RBFOX1: variants seen among roughly 807,000 people sequenced by gnomAD.
The protein encoded by RBFOX1 is RNA binding fox-1 homolog 1, also known as RNA binding protein fox-1 homolog 1.
A neutral mutation model predicts 57.7 loss-of-function variants in RBFOX1; 8 were observed. The observed-to-expected ratio is 0.14, with a 90% CI of 0.08 to 0.25. The LOEUF is 0.25. Ranked by LOEUF, RBFOX1 falls within the 10% of genes least tolerant of loss-of-function variation. The pLI is 1.00. For synonymous variants in RBFOX1, 326 were observed against 222.4 expected (o/e 1.47, Z -4.15); for missense variants, 611 against 548.5 (o/e 1.11, Z -1.14).
chr16:7,574,112 G>A (rs1308038647), intron 5 of RBFOX1, among the ~76,000 whole-genome samples: 5 of 152,154 alleles, frequency 3.3e-5, no homozygotes, highest in Non-Finnish European at 5.9e-5. Context: ...ACACTAGTAG[G>A]TACTGGGAAC....
intron 1 of RBFOX1, among the ~76,000 whole-genome samples, chr16:5,301,391 G>A (rs766344097): frequency 6.6e-5 from 10 of 151,996 alleles, no homozygotes; most frequent in Admixed American, 3.3e-4. Context: ...AGGCCAAGAC[G>A]GGAGATTCAT....
chr16:5,868,814 A>C (rs2057400178), intron 4 of RBFOX1, among the ~76,000 whole-genome samples: 1 of 152,210 alleles, frequency 6.6e-6, no homozygotes, highest in South Asian at 2.1e-4. Context: ...TAGGAATAGC[A>C]ATATGCATCC....
intron 3 of RBFOX1, among the ~76,000 whole-genome samples, chr16:6,839,836 A>C (rs1383833345): frequency 6.6e-6 from 1 of 152,206 alleles, no homozygotes; most frequent in Non-Finnish European, 1.5e-5. Context: ...AGCTATAATC[A>C]TACCTCTGTT....
At chr16:6,727,163 C>G (rs1298196267) in intron 3 of RBFOX1, among the ~76,000 whole-genome samples, 2 of 151,128 alleles carry the variant, frequency 1.3e-5, no homozygotes, top group Non-Finnish European at 3.0e-5. Flanking sequence ...TCAAAAGTCG[C>G]AATTCCATAG....
At chr16:7,494,854 T>C (rs1333271444) in intron 4 of RBFOX1, among the ~76,000 whole-genome samples, 1 of 121,274 alleles carries the variant, frequency 8.2e-6, no homozygotes, top group African/African-American at 3.1e-5. Flanking sequence ...TTTTTTGCAC[T>C]ATAAAATCTT....
intron 2 of RBFOX1, among the ~76,000 whole-genome samples, chr16:6,590,340 C>G (rs918841051): frequency 1.3e-5 from 2 of 152,132 alleles, no homozygotes; most frequent in African/African-American, 4.8e-5. Flanking sequence ...CTGTAGGTGT[C>G]ATTCATTTTT....
chr16:6,618,877 G>A (rs1221209407), intron 2 of RBFOX1, among the ~76,000 whole-genome samples: 2 of 152,126 alleles, frequency 1.3e-5, no homozygotes, highest in Non-Finnish European at 2.9e-5. Context: ...CACTCTTGTT[G>A]TTGTCCTCCC....
chr16:6,081,328 G>A (rs1361291697), intron 1 of RBFOX1, among the ~76,000 whole-genome samples: 3 of 152,114 alleles, frequency 2.0e-5, no homozygotes, highest in Non-Finnish European at 4.4e-5. Flanking sequence ...TCGTCCCCTG[G>A]GTGCTGAAAT....
chr16:5,476,175 C>A (rs2069315568), intron 2 of RBFOX1, among the ~76,000 whole-genome samples: 1 of 152,130 alleles, frequency 6.6e-6, no homozygotes, highest in South Asian at 2.1e-4. Context: ...TGTTAAAATG[C>A]AGAATCAGGC....
chr16:7,510,026 A>G, intron 4 of RBFOX1: 1 of 415,258 alleles, frequency 2.4e-6, no homozygotes, highest in Non-Finnish European at 3.2e-6. Context: ...GCGCTGTGAA[A>G]CTGAGAGTAG....
At chr16:5,774,667 G>C (rs551749325) in intron 3 of RBFOX1, among the ~76,000 whole-genome samples, 30 of 152,230 alleles carry the variant, frequency 2.0e-4, no homozygotes, top group African/African-American at 6.3e-4. Flanking sequence ...TTCCTTTCCT[G>C]TACACCAGAG....
At chr16:7,086,723 C>CACACACACACACACACAGACAA (rs1218378000) in intron 4 of RBFOX1, among the ~76,000 whole-genome samples, 1 of 151,520 alleles carries the variant, frequency 6.6e-6, no homozygotes, top group Non-Finnish European at 1.5e-5. Context: ...AGAATGTATA[C>CACACACACACACACACAGACAA]ACACACACAC....
At chr16:7,538,141 C>G (rs2081992790) in intron 5 of RBFOX1, among the ~76,000 whole-genome samples, 1 of 152,144 alleles carries the variant, frequency 6.6e-6, no homozygotes, top group African/African-American at 2.4e-5. Flanking sequence ...GAGGGACATA[C>G]ATCCTAGTAG....
chr16:7,066,411 A>G (rs1209500355), intron 4 of RBFOX1, among the ~76,000 whole-genome samples: 2 of 152,156 alleles, frequency 1.3e-5, no homozygotes, highest in Non-Finnish European at 2.9e-5. Flanking sequence ...TTCTTTATTG[A>G]TTTGGACTTT....
At chr16:5,667,188 TTTCTC>T (rs1459451779) in intron 3 of RBFOX1, among the ~76,000 whole-genome samples, 1 of 152,218 alleles carries the variant, frequency 6.6e-6, no homozygotes, top group African/African-American at 2.4e-5. Context: ...AACATTTTGT[TTTCTC>T]TTTATTATGT....
intron 3 of RBFOX1, among the ~76,000 whole-genome samples, chr16:7,042,121 C>G (rs1366481984): frequency 6.6e-6 from 1 of 152,144 alleles, no homozygotes; most frequent in Non-Finnish European, 1.5e-5. Flanking sequence ...GTTCTTACCT[C>G]AATAAGCCAA....
At chr16:7,013,265 G>C (rs1022775563) in intron 3 of RBFOX1, among the ~76,000 whole-genome samples, 1 of 152,150 alleles carries the variant, frequency 6.6e-6, no homozygotes, top group African/African-American at 2.4e-5. Context: ...ACTCACATAG[G>C]ACTGCTGAGG....
intron 2 of RBFOX1, among the ~76,000 whole-genome samples, chr16:6,629,583 G>C (rs2098357298): frequency 6.6e-6 from 1 of 152,150 alleles, no homozygotes; most frequent in Non-Finnish European, 1.5e-5. Context: ...AATGAGGGTG[G>C]TTAGGGTGGG....
intron 12 of RBFOX1, among the ~76,000 whole-genome samples, chr16:7,658,240 A>G (rs965717732): frequency 2.0e-5 from 3 of 152,034 alleles, no homozygotes; most frequent in South Asian, 2.1e-4. Flanking sequence ...AGAAGATCCC[A>G]TGTCTCTCCC....
Sources: gnomAD v4.1 joint callset for allele counts (sites outside exome capture counted in the v4.1 genomes callset) on GRCh38, gnomAD v4.1.1 for gene constraint, MANE v1.5 for transcripts, NCBI Gene and HGNC (gene_info 2026-07-23, HGNC 2026-07-21) for gene names.